The following DYNC1I1 variants were observed in gnomAD, a reference collection of about 807,000 sequenced individuals.
DYNC1I1 encodes cytoplasmic dynein 1 intermediate chain 1.
Under a neutral mutation model 86.6 loss-of-function variants are expected in DYNC1I1, and 43 were observed. That is an observed-to-expected ratio of 0.50 (90% CI 0.39 to 0.64). The LOEUF (loss-of-function observed/expected upper bound fraction) is 0.64, where lower values mean the gene tolerates loss of function less well. DYNC1I1 is among the 30% of genes least tolerant of loss of function. The pLI is 0.00. For missense variants in DYNC1I1, 604 were observed against 788.8 expected, an observed-to-expected ratio of 0.77 and a Z score of 2.81; for synonymous variants, 262 against 283.7, an observed-to-expected ratio of 0.92 and a Z score of 0.77.
At chr7:96,001,860 G>T (rs1048614753) in intron 10 of DYNC1I1, among the ~76,000 whole-genome samples, 2 of 152,058 alleles carry the variant, frequency 1.3e-5, no homozygotes, top group African/African-American at 4.8e-5. Flanking sequence ...GGTCGTGGTG[G>T]GGGAAGTACA....
intron 5 of DYNC1I1, among the ~76,000 whole-genome samples, chr7:95,839,394 A>G (rs993933939): frequency 7.2e-5 from 11 of 152,178 alleles, no homozygotes; most frequent in African/African-American, 2.7e-4. Flanking sequence ...TATGGGACTT[A>G]CATAAAATTT....
At chr7:95,774,501 T>C (rs1046738763) in intron 1 of DYNC1I1, among the ~76,000 whole-genome samples, 1 of 152,156 alleles carries the variant, frequency 6.6e-6, no homozygotes, top group African/African-American at 2.4e-5. Context: ...AGTAGGGATA[T>C]GAGCAGAGAA....
chr7:95,887,661 T>A (rs535358113), intron 6 of DYNC1I1, among the ~76,000 whole-genome samples: 18 of 152,214 alleles, frequency 1.2e-4, no homozygotes, highest in Non-Finnish European at 2.5e-4. Context: ...ATTAAATACC[T>A]GTATTTCAAA....
At chr7:95,855,687 G>A (rs1789701423) in intron 5 of DYNC1I1, among the ~76,000 whole-genome samples, 1 of 152,158 alleles carries the variant, frequency 6.6e-6, no homozygotes, top group South Asian at 2.1e-4. Flanking sequence ...AAACCTGTAT[G>A]ACATGTTACT....
intron 4 of DYNC1I1, 63 bp from the exon 5 acceptor site, chr7:95,827,994 G>T: frequency 6.3e-7 from 1 of 1,577,154 alleles, no homozygotes; most frequent in Non-Finnish European, 8.7e-7. Context: ...AGTTTGGTTT[G>T]GTTTGTTGCC....
intron 14 of DYNC1I1, among the ~76,000 whole-genome samples, chr7:96,062,107 G>A (rs118127566): frequency 0.019 from 2,880 of 152,248 alleles, 46 homozygotes; most frequent in Non-Finnish European, 0.032. Context: ...TTTGCCCTTC[G>A]CCTCTGGAGC....
intron 6 of DYNC1I1, 78 bp downstream of exon 6, chr7:95,870,076 C>A: frequency 2.4e-6 from 3 of 1,262,054 alleles, no homozygotes; most frequent in Non-Finnish European, 2.2e-6. Flanking sequence ...TTGTTGATTT[C>A]CTCTTACCAT....
At chr7:96,106,551 AAG>A (rs537735979) in intron 16 of DYNC1I1, among the ~76,000 whole-genome samples, 2 of 152,284 alleles carry the variant, frequency 1.3e-5, no homozygotes, top group Non-Finnish European at 2.9e-5. Flanking sequence ...AAAGAAAAAA[AAG>A]AGAGAGAGAA....
At chr7:95,885,687 G>A (rs1431357073) in intron 6 of DYNC1I1, among the ~76,000 whole-genome samples, 13 of 152,078 alleles carry the variant, frequency 8.5e-5, no homozygotes, top group Admixed American at 7.2e-4. Flanking sequence ...GGGTCTCACT[G>A]TATTGCCCAG....
intron 6 of DYNC1I1, among the ~76,000 whole-genome samples, chr7:95,883,171 G>T (rs939642863): frequency 2.6e-5 from 4 of 152,112 alleles, no homozygotes; most frequent in Non-Finnish European, 4.4e-5. Flanking sequence ...TTTGAGGCTG[G>T]TAACATCTTG....
intron 5 of DYNC1I1, among the ~76,000 whole-genome samples, chr7:95,849,484 A>G (rs1212458573): frequency 1.3e-5 from 2 of 152,062 alleles, no homozygotes; most frequent in Non-Finnish European, 2.9e-5. Flanking sequence ...TTCTTTCCCT[A>G]TAGTGTGTTC....
intron 6 of DYNC1I1, among the ~76,000 whole-genome samples, chr7:95,920,128 T>G (rs938943030): frequency 2.0e-5 from 3 of 152,162 alleles, no homozygotes; most frequent in Admixed American, 6.5e-5. Context: ...GTCGAGGAAC[T>G]GGACAGACAC....
At chr7:95,988,604 T>G (rs1179622587) in intron 9 of DYNC1I1, among the ~76,000 whole-genome samples, 1 of 152,210 alleles carries the variant, frequency 6.6e-6, no homozygotes, top group Non-Finnish European at 1.5e-5. Context: ...AAGCATCTGA[T>G]GCCTGAGCCC....
At chr7:95,822,978 G>A (rs888842686) in intron 4 of DYNC1I1, among the ~76,000 whole-genome samples, 1 of 152,172 alleles carries the variant, frequency 6.6e-6, no homozygotes, top group Admixed American at 6.5e-5. Flanking sequence ...AGCTGTCGTA[G>A]TTAAACATTC....
At chr7:95,834,638 A>C (rs796403410) in intron 5 of DYNC1I1, among the ~76,000 whole-genome samples, 2,119 of 139,026 alleles carry the variant, frequency 0.015, 20 homozygotes, top group Non-Finnish European at 0.024. Flanking sequence ...GATTATTGCC[A>C]CAATTTCAGA....
chr7:96,037,496 T>C (rs1426311063), intron 13 of DYNC1I1, among the ~76,000 whole-genome samples: 3 of 152,154 alleles, frequency 2.0e-5, no homozygotes, highest in Non-Finnish European at 4.4e-5. Flanking sequence ...GAGAGTATAG[T>C]AGGCCAGACC....
At chr7:95,972,783 C>T (rs1047088175) in intron 6 of DYNC1I1, among the ~76,000 whole-genome samples, 2 of 152,128 alleles carry the variant, frequency 1.3e-5, no homozygotes, top group African/African-American at 4.8e-5. Flanking sequence ...GGTCGAGCCT[C>T]GTGCTGAGTG....
intron 6 of DYNC1I1, among the ~76,000 whole-genome samples, chr7:95,967,466 C>A (rs2116528797): frequency 6.6e-6 from 1 of 152,214 alleles, no homozygotes; most frequent in African/African-American, 2.4e-5. Context: ...CTTTTGTTTC[C>A]TTTGCCTAGG....
At chr7:96,075,012 C>A (rs545378737) in intron 14 of DYNC1I1, among the ~76,000 whole-genome samples, 1 of 152,304 alleles carries the variant, frequency 6.6e-6, no homozygotes, top group African/African-American at 2.4e-5. Context: ...TTTCTTTTAT[C>A]TCTAGGGCTT....
Sources: allele counts gnomAD v4.1 joint callset (sites outside exome capture counted in the v4.1 genomes callset), GRCh38; gene constraint gnomAD v4.1.1; transcripts MANE v1.5; gene names NCBI Gene and HGNC (gene_info 2026-07-23, HGNC 2026-07-21).